Variants in SH3RF3 observed in about 807,000 individuals in gnomAD.
SH3RF3 encodes the protein E3 ubiquitin-protein ligase SH3RF3.
Under a neutral mutation model 66.3 loss-of-function variants are expected in SH3RF3, and 29 were observed. That is an observed-to-expected ratio of 0.44 (90% CI 0.33 to 0.60). The LOEUF (loss-of-function observed/expected upper bound fraction) is 0.60. Among genes scored for constraint, SH3RF3 ranks in the 20% least tolerant of loss-of-function variants. SH3RF3 has a pLI of 0.04. For synonymous variants in SH3RF3, 583 were observed against 532.0 expected (o/e 1.10, Z -1.32); for missense variants, 1,194 against 1,190.9 (o/e 1.00, Z -0.04).
At chr2:109,161,045 G>C (rs1488222007) in intron 1 of SH3RF3, among the ~76,000 whole-genome samples, 1 of 152,162 alleles carries the variant, frequency 6.6e-6, no homozygotes, top group South Asian at 2.1e-4. Context: ...GAGATGGAGA[G>C]GCAGAAGTAG....
chr2:109,386,555 C>T (rs1675829951), intron 3 of SH3RF3, among the ~76,000 whole-genome samples: 1 of 152,214 alleles, frequency 6.6e-6, no homozygotes, highest in Admixed American at 6.5e-5. Flanking sequence ...GGTTTGCGGC[C>T]CTTGAGTGTG....
At chr2:109,338,781 C>T (rs1682486694) in intron 1 of SH3RF3, among the ~76,000 whole-genome samples, 1 of 152,188 alleles carries the variant, frequency 6.6e-6, no homozygotes, top group African/African-American at 2.4e-5. Context: ...TGGTCTCGAA[C>T]TCTTGACCTC....
chr2:109,320,039 C>G (rs1681984322), intron 1 of SH3RF3, among the ~76,000 whole-genome samples: 1 of 152,158 alleles, frequency 6.6e-6, no homozygotes, highest in Non-Finnish European at 1.5e-5. Context: ...CATTCTAGGT[C>G]TTCACGGAGC....
chr2:109,370,806 T>C lies in SH3RF3; in HGVS notation c.850-780T>C, dbSNP rs184975943. ...CCTTTCTCCTTCCATCTGTTTCCACTTTGTGCATTTATACTTGGTATTGTT... is the reference window on the plus strand; with the variant it reads ...CCTTTCTCCTTCCATCTGTTTCCACCTTGTGCATTTATACTTGGTATTGTT... On this transcript the variant is annotated intron_variant, in intron 2 of 9. Coordinates refer to ENST00000309415, the MANE Select transcript of SH3RF3 (RefSeq NM_001099289.3). Among the ~76,000 whole-genome samples the C allele has an allele frequency of 2.5e-3, 375 of 152,316 alleles. 3 individuals are homozygous for C. The Middle Eastern group carries it at 0.034, about 14-fold the overall frequency.
chr2:109,302,291 A>G (rs557543345), intron 1 of SH3RF3, among the ~76,000 whole-genome samples: 168 of 152,328 alleles, frequency 1.1e-3, no homozygotes, highest in African/African-American at 3.6e-3. Flanking sequence ...TGTGACTGTA[A>G]TCATCCATAA....
chr2:109,459,080 A>G (rs1678144045), intron 8 of SH3RF3, among the ~76,000 whole-genome samples: 1 of 152,128 alleles, frequency 6.6e-6, no homozygotes, highest in African/African-American at 2.4e-5. Context: ...CCTTCCCAGA[A>G]GAGGATTCAG....
At chr2:109,290,008 T>C (rs1681125156) in intron 1 of SH3RF3, among the ~76,000 whole-genome samples, 3 of 152,302 alleles carry the variant, frequency 2.0e-5, no homozygotes, top group Admixed American at 2.0e-4. Flanking sequence ...GGGGACCTTG[T>C]TAAAATGCAG....
chr2:109,439,318 C>T (rs1248080980), intron 7 of SH3RF3, among the ~76,000 whole-genome samples: 6 of 152,146 alleles, frequency 3.9e-5, no homozygotes, highest in Non-Finnish European at 7.4e-5. Context: ...CTTGTCCCCA[C>T]GCTATTGCTG....
chr2:109,412,589 T>C (rs1391683174), intron 4 of SH3RF3, among the ~76,000 whole-genome samples: 1 of 152,104 alleles, frequency 6.6e-6, no homozygotes, highest in African/African-American at 2.4e-5. Flanking sequence ...TGCTGCAGGG[T>C]CACCCCTGCC....
chr2:109,212,781 TGCC>T (rs1679020650), intron 1 of SH3RF3, among the ~76,000 whole-genome samples: 1 of 152,018 alleles, frequency 6.6e-6, no homozygotes, highest in African/African-American at 2.4e-5. Context: ...CAGTTCCCTC[TGCC>T]CCTGGTATTT....
intron 1 of SH3RF3, among the ~76,000 whole-genome samples, chr2:109,265,772 T>G (rs1166813237): frequency 2.0e-5 from 3 of 152,198 alleles, no homozygotes; most frequent in East Asian, 1.9e-4. Flanking sequence ...AAAAAGAGAT[T>G]GGCACATAAA....
At chr2:109,237,285 T>C (rs2105206216) in intron 1 of SH3RF3, among the ~76,000 whole-genome samples, 1 of 152,318 alleles carries the variant, frequency 6.6e-6, no homozygotes, top group African/African-American at 2.4e-5. Flanking sequence ...TTGGAAGACA[T>C]TTATCTTTAT....
At chr2:109,202,196 CCCTT>C (rs1397491544) in intron 1 of SH3RF3, among the ~76,000 whole-genome samples, 1 of 152,178 alleles carries the variant, frequency 6.6e-6, no homozygotes, top group Non-Finnish European at 1.5e-5. Context: ...TCTCTTCCCT[CCCTT>C]GTTTCCCAAG....
At chr2:109,342,506 T>C (rs1682577328) in intron 1 of SH3RF3, among the ~76,000 whole-genome samples, 1 of 152,214 alleles carries the variant, frequency 6.6e-6, no homozygotes, top group African/African-American at 2.4e-5. Context: ...CCGTGACAAG[T>C]GCTCTCCTTG....
At chr2:109,203,872 T>A (rs113157145) in intron 1 of SH3RF3, among the ~76,000 whole-genome samples, 2,046 of 152,326 alleles carry the variant, frequency 0.013, 46 homozygotes, top group African/African-American at 0.047. Flanking sequence ...GGGCCCTTCT[T>A]GTTCCCTGTG....
rs368704265 is a variant in SH3RF3 at position 109,419,522 on chromosome 2, C to T, written c.1300-17C>T. 33 of 1,579,310 alleles carry T rather than the reference C, an allele frequency of 2.1e-5. No individual in the cohort carries two copies. In the African/African-American group the frequency reaches 2.4e-4, roughly 12 times the overall value. ...GTCTCTGTCTCCTCACTCCTGTCCC[C>T]TCTTGTCTGTTTCCAGGATGTCTCC... On this transcript the variant is annotated splice_polypyrimidine_tract_variant and intron_variant, in intron 4 of 9. Coordinates refer to ENST00000309415, the MANE Select transcript of SH3RF3 (RefSeq NM_001099289.3).
intron 3 of SH3RF3, among the ~76,000 whole-genome samples, chr2:109,381,677 C>T (rs1675677410): frequency 6.6e-6 from 1 of 152,134 alleles, no homozygotes; most frequent in Admixed American, 6.5e-5. Context: ...CCCAGGATGG[C>T]TAAATAGTAG....
At chr2:109,365,208 TTC>T (rs996499177) in intron 2 of SH3RF3, among the ~76,000 whole-genome samples, 1 of 152,218 alleles carries the variant, frequency 6.6e-6, no homozygotes, top group Non-Finnish European at 1.5e-5. Flanking sequence ...GAGTGGATTT[TTC>T]TCTGATATTC....
intron 3 of SH3RF3, among the ~76,000 whole-genome samples, chr2:109,374,322 C>T (rs1244218998): frequency 6.6e-6 from 1 of 152,156 alleles, no homozygotes; most frequent in African/African-American, 2.4e-5. Context: ...AGCCTGGCAG[C>T]CTCAGCTCTG....
Sources: allele counts gnomAD v4.1 joint callset (sites outside exome capture counted in the v4.1 genomes callset), GRCh38; gene constraint gnomAD v4.1.1; transcripts MANE v1.5; gene names NCBI Gene and HGNC (gene_info 2026-07-23, HGNC 2026-07-21).